Variants in HSF2BP observed in about 807,000 individuals in gnomAD.
HSF2BP encodes heat shock factor 2-binding protein.
HSF2BP carries 35 observed loss-of-function variants against 35.0 expected under a neutral mutation model. The observed-to-expected ratio is 1.00, with a 90% CI of 0.76 to 1.32. The LOEUF (loss-of-function observed/expected upper bound fraction) is 1.32, where lower values mean the gene tolerates loss of function less well. HSF2BP is among the 40% of genes most tolerant of loss of function. HSF2BP has a pLI of 0.00. For synonymous variants in HSF2BP, 114 were observed against 117.4 expected (o/e 0.97, Z 0.18); for missense variants, 326 against 321.7 (o/e 1.01, Z -0.10).
the HSF2BP span, among the ~76,000 whole-genome samples, chr21:43,467,951 CACCACACTTACACCA>C: frequency 5.9e-5 from 6 of 100,952 alleles, no homozygotes; most frequent in Non-Finnish European, 1.3e-4. Flanking sequence ...ACACCACACA[CACCACACTTACACCA>C]CACACACACC....
At chr21:43,618,888 T>C (rs574087086) in intron 6 of HSF2BP, among the ~76,000 whole-genome samples, 2 of 149,998 alleles carry the variant, frequency 1.3e-5, no homozygotes, top group African/African-American at 4.9e-5. Flanking sequence ...GAGCTTGCAG[T>C]GAGTGGAGAT....
chr21:43,597,787 G>A lies in HSF2BP; in HGVS notation c.693-5459C>T, dbSNP rs1397598838. Among the ~76,000 whole-genome samples, 2 of 152,160 alleles carry A rather than the reference G, an allele frequency of 1.3e-5. No homozygotes were observed. The highest frequency in any genetic ancestry group is 2.9e-5 in the Non-Finnish European group (2 of 68,036). On this transcript the variant is annotated intron_variant, in intron 7 of 8. Coordinates refer to ENST00000291560, the MANE Select transcript of HSF2BP (RefSeq NM_007031.2). This position sits in a 1 kb window ranked among gnomAD's most constrained non-coding sequence, Gnocchi z 4.3. ...CCACGTCGGCCTCCCAAAGTGCTGG[G>A]ATTACAGGCATAAGCCATTGTGCCC...
chr21:43,618,868 C>T (rs2146946027), intron 6 of HSF2BP, among the ~76,000 whole-genome samples: 1 of 151,956 alleles, frequency 6.6e-6, no homozygotes, highest in South Asian at 2.1e-4. Flanking sequence ...TGGCGTGAAC[C>T]CGGGAGGCAG....
chr21:43,602,850 C>G (rs1235250088), intron 7 of HSF2BP, among the ~76,000 whole-genome samples: 1 of 152,144 alleles, frequency 6.6e-6, no homozygotes, highest in African/African-American at 2.4e-5. Context: ...GTGGGTAGCT[C>G]CCACCCCAGA....
At chr21:43,622,090 T>C (rs1420670280) in intron 6 of HSF2BP, among the ~76,000 whole-genome samples, 1 of 152,198 alleles carries the variant, frequency 6.6e-6, no homozygotes, top group Admixed American at 6.5e-5. Flanking sequence ...TGATCAAAGA[T>C]AAGTCATCTC....
intron 3 of HSF2BP, among the ~76,000 whole-genome samples, chr21:43,653,668 C>T (rs768939530): frequency 6.6e-6 from 1 of 152,134 alleles, no homozygotes; most frequent in African/African-American, 2.4e-5. Flanking sequence ...CAAAGAGAAG[C>T]GTCTGAAGAC....
intron 7 of HSF2BP, among the ~76,000 whole-genome samples, chr21:43,608,005 T>C (rs2082155404): frequency 6.6e-6 from 1 of 152,046 alleles, no homozygotes; most frequent in Non-Finnish European, 1.5e-5. Context: ...TAGAACAAAA[T>C]CTAGGAAATA....
chr21:43,645,843 G>A (rs1459984155), intron 3 of HSF2BP, among the ~76,000 whole-genome samples: 2 of 152,106 alleles, frequency 1.3e-5, no homozygotes, highest in African/African-American at 4.8e-5. Flanking sequence ...TGTGGGGACT[G>A]CTTAGAACCA....
At chr21:43,644,701 A>G (rs2082685682) in intron 3 of HSF2BP, among the ~76,000 whole-genome samples, 1 of 152,236 alleles carries the variant, frequency 6.6e-6, no homozygotes, top group South Asian at 2.1e-4. Flanking sequence ...AAAGGATGGA[A>G]GGCAGAGCTG....
intron 8 of HSF2BP, among the ~76,000 whole-genome samples, chr21:43,584,387 C>A (rs1306237834): frequency 6.6e-6 from 1 of 152,188 alleles, no homozygotes; most frequent in Non-Finnish European, 1.5e-5. Flanking sequence ...CACATCCCAG[C>A]TCAAACAGTC....
chr21:43,651,357 A>G (rs1207243752), intron 3 of HSF2BP, among the ~76,000 whole-genome samples: 1 of 152,164 alleles, frequency 6.6e-6, no homozygotes, highest in Non-Finnish European at 1.5e-5. Flanking sequence ...TGCCGATCAT[A>G]AATCATGACA....
chr21:43,612,434 G>C (rs376382832), intron 7 of HSF2BP, among the ~76,000 whole-genome samples: 1 of 152,048 alleles, frequency 6.6e-6, no homozygotes, highest in Non-Finnish European at 1.5e-5. Flanking sequence ...GGTGGATCAC[G>C]AGGTCAGGAG....
intron 4 of HSF2BP, among the ~76,000 whole-genome samples, chr21:43,637,430 T>C (rs1204012660): frequency 2.0e-5 from 3 of 152,092 alleles, no homozygotes; most frequent in African/African-American, 4.8e-5. Flanking sequence ...GCAACAGATA[T>C]GTGATGGAAA....
rs190979420 is a variant in HSF2BP at position 43,636,334 on chromosome 21, T to C, written c.292-2913A>G. Among the ~76,000 whole-genome samples, 17 of 152,160 alleles carry C rather than the reference T, an allele frequency of 1.1e-4. No homozygotes were observed. The East Asian group carries it at 2.3e-3, about 21-fold the overall frequency. ...GTAAAATTTCTCAAAAAAATCGTTATGACCATAGGTTAGGCAAATATTTCT... is the reference window on the plus strand; with the variant it reads ...GTAAAATTTCTCAAAAAAATCGTTACGACCATAGGTTAGGCAAATATTTCT... On this transcript the variant is annotated intron_variant, in intron 4 of 8. Coordinates refer to ENST00000291560, the MANE Select transcript of HSF2BP (RefSeq NM_007031.2).
chr21:43,592,104 G>A, intron 8 of HSF2BP, 121 bp downstream of exon 8: 1 of 648,130 alleles, frequency 1.5e-6, no homozygotes, highest in Non-Finnish European at 2.8e-6. Flanking sequence ...ATATAGAGAG[G>A]ATTTGGTGCT....
chr21:43,608,590 T>C (rs572521838), intron 7 of HSF2BP, among the ~76,000 whole-genome samples: 2 of 152,292 alleles, frequency 1.3e-5, no homozygotes, highest in African/African-American at 2.4e-5. Flanking sequence ...AGCAATCCCA[T>C]TACTTGGTAA....
intron 1 of HSF2BP, among the ~76,000 whole-genome samples, chr21:43,658,950 C>T (rs1483542096): frequency 6.6e-6 from 1 of 152,198 alleles, no homozygotes; most frequent in African/African-American, 2.4e-5. Context: ...CTCCACGCCA[C>T]GGAGATCGCA....
intron 6 of HSF2BP, among the ~76,000 whole-genome samples, chr21:43,615,595 A>C (rs2082260224): frequency 6.6e-6 from 1 of 152,190 alleles, no homozygotes; most frequent in Admixed American, 6.5e-5. Context: ...CATTTTAACT[A>C]TATCATTGGT....
chr21:43,590,429 A>G (rs2081911536), intron 8 of HSF2BP, among the ~76,000 whole-genome samples: 1 of 152,212 alleles, frequency 6.6e-6, no homozygotes, highest in Non-Finnish European at 1.5e-5. Flanking sequence ...GCAGTTTCAT[A>G]AAAACTAACA....
Sources: gnomAD v4.1 joint callset for allele counts (sites outside exome capture counted in the v4.1 genomes callset) on GRCh38, gnomAD v4.1.1 for gene constraint, Gnocchi (gnomAD v3.1) non-coding constraint, MANE v1.5 for transcripts, NCBI Gene and HGNC (gene_info 2026-07-23, HGNC 2026-07-21) for gene names.